BRF1: variants seen among roughly 807,000 people sequenced by gnomAD.
BRF1 encodes BRF1 general transcription factor IIIB subunit.
Under a neutral mutation model 81.7 loss-of-function variants are expected in BRF1, and 59 were observed. The observed-to-expected ratio is 0.72, with a 90% CI of 0.59 to 0.90. The LOEUF (loss-of-function observed/expected upper bound fraction) is 0.90, where lower values mean the gene tolerates loss of function less well. Ranked by LOEUF, BRF1 falls within the 40% of genes least tolerant of loss-of-function variation. The pLI is 0.00. For synonymous variants in BRF1, 491 were observed against 395.6 expected (o/e 1.24, Z -2.86); for missense variants, 1,050 against 936.3 (o/e 1.12, Z -1.58).
intron 10 of BRF1, among the ~76,000 whole-genome samples, chr14:105,225,866 T>C (rs587617222): frequency 6.6e-6 from 1 of 152,308 alleles, no homozygotes; most frequent in East Asian, 1.9e-4. Context: ...CAGGATGGTC[T>C]CCATCTCCTG....
intron 3 of BRF1, among the ~76,000 whole-genome samples, chr14:105,259,653 T>C (rs780895438): frequency 1.4e-4 from 22 of 152,204 alleles, no homozygotes; most frequent in Non-Finnish European, 2.4e-4. Flanking sequence ...CTCACGCCTG[T>C]AATCCCAGCA....
intron 5 of BRF1, chr14:105,250,740 T>C: frequency 6.8e-7 from 1 of 1,470,506 alleles, no homozygotes; most frequent in Non-Finnish European, 9.3e-7. Context: ...AACTGCTTCT[T>C]GACACCATGA....
Position 105,210,639 on chromosome 14 carries a change from C to T in BRF1, c.1997-51G>A, listed in dbSNP as rs587682359. 10 of 1,595,412 alleles carry T rather than the reference C, an allele frequency of 6.3e-6. No homozygotes were observed. The East Asian group carries it at 2.2e-4, about 36-fold the overall frequency. ...CCAGGGTCTCTGTGGGACCCAGGAG[C>T]CCAGACCCCCCAACCCGCCCTGTTC... On this transcript the variant is annotated intron_variant, in intron 17 of 17. Transcript: ENST00000547530. The surrounding 1 kb of genome is among the most constrained non-coding windows in gnomAD (Gnocchi z 4.7).
At chr14:105,287,877 AGC>A (rs1413708249) in intron 1 of BRF1, among the ~76,000 whole-genome samples, 5 of 152,258 alleles carry the variant, frequency 3.3e-5, no homozygotes, top group African/African-American at 1.2e-4. Flanking sequence ...GGAAACTCAG[AGC>A]TGAACAGGGT....
At chr14:105,245,573 AACAGGACAGG>A (rs55995608) in intron 5 of BRF1, among the ~76,000 whole-genome samples, 67 of 151,644 alleles carry the variant, frequency 4.4e-4, no homozygotes, top group East Asian at 2.7e-3. Context: ...AACAGAACAG[AACAGGACAGG>A]ACAGGACAGG....
intron 15 of BRF1, among the ~76,000 whole-genome samples, chr14:105,216,414 C>T (rs1290967278): frequency 1.3e-5 from 2 of 152,226 alleles, no homozygotes; most frequent in Non-Finnish European, 2.9e-5. Flanking sequence ...CTCTGCCCCA[C>T]TGACCTCCTA....
intron 1 of BRF1, 45 bp downstream of exon 1, chr14:105,300,401 A>C (rs1002289751): frequency 1.4e-6 from 2 of 1,479,824 alleles, no homozygotes; most frequent in Admixed American, 4.6e-5. Context: ...CAGCCCGCCT[A>C]AGCCGCACCG....
intron 10 of BRF1, among the ~76,000 whole-genome samples, chr14:105,224,260 TCAGG>T (rs1892747090): frequency 6.6e-6 from 1 of 152,166 alleles, no homozygotes; most frequent in Admixed American, 6.5e-5. Flanking sequence ...TCCCAACTAC[TCAGG>T]AGGGTGAGGC....
intron 11 of BRF1, among the ~76,000 whole-genome samples, chr14:105,220,607 C>A (rs887328775): frequency 6.6e-6 from 1 of 152,184 alleles, no homozygotes; most frequent in African/African-American, 2.4e-5. Flanking sequence ...GGGAGCCCTC[C>A]ATGATCATGC....
intron 15 of BRF1, among the ~76,000 whole-genome samples, chr14:105,215,671 GCACA>G (rs201556928): frequency 6.1e-5 from 7 of 115,504 alleles, no homozygotes; most frequent in Non-Finnish European, 8.8e-5. Flanking sequence ...GCATACACAG[GCACA>G]CACACACATG....
In BRF1 at chr14:105,300,956, G is replaced by C. The variant is rs587657142; in HGVS notation, c.-327C>G. ...GGCGACCTGCGGGGGCTGGGCTTCG[G>C]CGGAACCCGAGCGGGGCCTACCGGT... On this transcript the variant is annotated 5_prime_UTR_variant, in exon 1 of 18. Transcript: ENST00000547530. 3.3e-3 allele frequency: 511 copies of C among 154,976 alleles called. 3 individuals are homozygous for C. Among genetic ancestry groups the C allele is most frequent in the East Asian group, 0.014 (76 of 5,250 alleles). 9.6% of individuals were successfully genotyped at this position (154,976 alleles called of 1,614,324 possible).
chr14:105,242,916 G>A (rs1356394654), intron 5 of BRF1, among the ~76,000 whole-genome samples: 1 of 151,608 alleles, frequency 6.6e-6, no homozygotes, highest in Non-Finnish European at 1.5e-5. Flanking sequence ...AGGAGATCGA[G>A]ACCACCCTGG....
rs938985701 is a variant in BRF1, at chr14:105,209,917, G to A, written c.*634C>T. 2 of 386,722 alleles carry A rather than the reference G, an allele frequency of 5.2e-6. No homozygotes were observed. The highest frequency in any genetic ancestry group is 4.0e-5 in the East Asian group (1 of 24,934). 24.0% of individuals were successfully genotyped at this position (386,722 alleles called of 1,614,324 possible). The stretch of plus-strand genomic sequence containing the variant: ...GGCGGTGCAGGCAGCGGGGAGGGGG[G>A]TCTGGAGGAGGCAGGGGTGGGGGTG... On this transcript the variant is annotated 3_prime_UTR_variant, in exon 18 of 18. Transcript: ENST00000547530.
rs587634092 is a variant in BRF1, at chr14:105,209,683, G to A, written c.*868C>T. On this transcript the variant is annotated 3_prime_UTR_variant, in exon 18 of 18. Transcript: ENST00000547530. Reference sequence around the variant, plus strand: ...GCCTGATCCAGCTCTGACAGGGAGCGCCACTGCCCTCTGGCTCTGTCCACG... The same window carrying A: ...GCCTGATCCAGCTCTGACAGGGAGCACCACTGCCCTCTGGCTCTGTCCACG... 19 of 653,994 alleles carry A rather than the reference G, an allele frequency of 2.9e-5. No homozygotes were observed. Among genetic ancestry groups the A allele is most frequent in the Non-Finnish European group, 4.4e-5 (16 of 359,996 alleles). 40.5% of individuals were successfully genotyped at this position (653,994 alleles called of 1,614,324 possible).
chr14:105,220,969 C>T (rs1892190280), intron 11 of BRF1, among the ~76,000 whole-genome samples: 1 of 152,246 alleles, frequency 6.6e-6, no homozygotes, highest in African/African-American at 2.4e-5. Flanking sequence ...CTGGGTTCCA[C>T]CCACACAGCA....
At chr14:105,272,384 T>C (rs1956692943) in intron 3 of BRF1, among the ~76,000 whole-genome samples, 2 of 152,186 alleles carry the variant, frequency 1.3e-5, no homozygotes, top group Admixed American at 1.3e-4. Context: ...GAGGGCGGCC[T>C]GAACCACAGG....
At chr14:105,250,423 C>G (rs1319829359) in intron 5 of BRF1, 3 of 1,613,860 alleles carry the variant, frequency 1.9e-6, no homozygotes, top group Non-Finnish European at 2.5e-6. Context: ...AGAACTTGAC[C>G]AAGTTCATGT....
chr14:105,246,587 G>A (rs2055125582), intron 5 of BRF1, among the ~76,000 whole-genome samples: 1 of 151,926 alleles, frequency 6.6e-6, no homozygotes, highest in African/African-American at 2.4e-5. Context: ...CTCCTTCCTT[G>A]GCCTCCCGAA....
chr14:105,223,715 A>G (rs1417395174), intron 10 of BRF1, among the ~76,000 whole-genome samples: 1 of 152,186 alleles, frequency 6.6e-6, no homozygotes, highest in East Asian at 1.9e-4. Context: ...GGTTGTCACT[A>G]TGGCTTCACA....
Sources: allele counts gnomAD v4.1 joint callset (sites outside exome capture counted in the v4.1 genomes callset), GRCh38; gene constraint gnomAD v4.1.1; non-coding constraint Gnocchi (gnomAD v3.1); transcripts MANE v1.5; gene names NCBI Gene and HGNC (gene_info 2026-07-23, HGNC 2026-07-21).